The following PDE8B variants were observed in gnomAD, a reference collection of about 807,000 sequenced individuals.
The protein encoded by PDE8B is high affinity cAMP-specific and IBMX-insensitive 3',5'-cyclic phosphodiesterase 8B.
Under a neutral mutation model 101.3 loss-of-function variants are expected in PDE8B, and 26 were observed. The ratio of observed to expected loss-of-function variants is 0.26; its 90% CI spans 0.19 to 0.36. The LOEUF (loss-of-function observed/expected upper bound fraction) is 0.36, where lower values mean the gene tolerates loss of function less well. Among genes scored for constraint, PDE8B ranks in the 10% least tolerant of loss-of-function variants. The pLI, the probability that PDE8B is intolerant of heterozygous loss-of-function variation, is 1.00. For missense variants in PDE8B, 810 were observed against 1,163.1 expected (o/e 0.70, Z 4.42); for synonymous variants, 424 against 429.3 (o/e 0.99, Z 0.15).
intron 10 of PDE8B, among the ~76,000 whole-genome samples, chr5:77,398,985 C>T (rs6884413): frequency 0.08 from 12,148 of 152,230 alleles, 524 homozygotes; most frequent in Middle Eastern, 0.12. Context: ...TCCCGTTCCT[C>T]GGAATGAAAC....
chr5:77,415,786 G>A (rs888348890), intron 17 of PDE8B, among the ~76,000 whole-genome samples: 3 of 152,144 alleles, frequency 2.0e-5, no homozygotes, highest in Non-Finnish European at 2.9e-5. Flanking sequence ...CCCAATTCCA[G>A]GGAACTAGTG....
chr5:77,184,008 T>C, the PDE8B span, among the ~76,000 whole-genome samples: 39,211 of 151,712 alleles, frequency 0.26, 7,013 homozygotes, highest in East Asian at 0.82. Flanking sequence ...CCCTCTGTTG[T>C]CCAGGCTGGA....
At chr5:77,392,972 C>A (rs1043214987) in intron 10 of PDE8B, among the ~76,000 whole-genome samples, 2 of 152,152 alleles carry the variant, frequency 1.3e-5, no homozygotes, top group Non-Finnish European at 2.9e-5. Flanking sequence ...TATGCCAGAA[C>A]AACAACAACA....
At chr5:77,412,287 ACT>A (rs751013318) in intron 16 of PDE8B, 52 bp downstream of exon 16, 13 of 1,597,980 alleles carry the variant, frequency 8.1e-6, no homozygotes, top group Non-Finnish European at 1.1e-5. Flanking sequence ...CCATGCTCAA[ACT>A]CTCACATTTG....
At chr5:77,286,324 G>C (rs935304562) in intron 1 of PDE8B, among the ~76,000 whole-genome samples, 1 of 152,198 alleles carries the variant, frequency 6.6e-6, no homozygotes, top group Non-Finnish European at 1.5e-5. Flanking sequence ...TGTGAGCAGA[G>C]TTTGTACACA....
chr5:77,363,635 C>A (rs1013223641), intron 10 of PDE8B, among the ~76,000 whole-genome samples: 1 of 151,386 alleles, frequency 6.6e-6, no homozygotes, highest in Non-Finnish European at 1.5e-5. Context: ...TCACTTGAAT[C>A]CAGGAGGCGG....
chr5:77,171,481 G>GA, the PDE8B span, among the ~76,000 whole-genome samples: 2 of 152,184 alleles, frequency 1.3e-5, no homozygotes, highest in East Asian at 1.9e-4. Context: ...CCGGCCCATA[G>GA]AAAAATTTTT....
At chr5:77,194,058 T>C in the PDE8B span, among the ~76,000 whole-genome samples, 1 of 152,224 alleles carries the variant, frequency 6.6e-6, no homozygotes, top group Non-Finnish European at 1.5e-5. Flanking sequence ...TTTCTATGTG[T>C]ACAATTATGT....
chr5:77,123,491 C>T, the PDE8B span, among the ~76,000 whole-genome samples: 1 of 152,086 alleles, frequency 6.6e-6, no homozygotes, highest in African/African-American at 2.4e-5. Flanking sequence ...GGTGCAGTGG[C>T]TCACACCTGT....
intron 1 of PDE8B, among the ~76,000 whole-genome samples, chr5:77,235,161 C>T (rs528380977): frequency 9.9e-5 from 15 of 152,132 alleles, no homozygotes; most frequent in Non-Finnish European, 1.9e-4. Context: ...CAGAATAATC[C>T]CATAGCCCTA....
chr5:77,317,341 C>A (rs1409909779), intron 2 of PDE8B, among the ~76,000 whole-genome samples: 1 of 152,126 alleles, frequency 6.6e-6, no homozygotes, highest in Non-Finnish European at 1.5e-5. Flanking sequence ...TCAGCCAGAG[C>A]CCTTAGGGCT....
the PDE8B span, among the ~76,000 whole-genome samples, chr5:77,110,238 C>T: frequency 6.6e-6 from 1 of 151,812 alleles, no homozygotes; most frequent in South Asian, 2.1e-4. Context: ...CGTGTCCGGC[C>T]TCACAATATC....
intron 1 of PDE8B, among the ~76,000 whole-genome samples, chr5:77,222,795 T>G (rs1330910713): frequency 1.6e-4 from 25 of 152,064 alleles, no homozygotes; most frequent in Non-Finnish European, 1.5e-5. Context: ...CTGAAGACTG[T>G]AAGGAAAAGC....
chr5:77,239,499 T>A (rs1269275675), intron 1 of PDE8B, among the ~76,000 whole-genome samples: 1 of 152,242 alleles, frequency 6.6e-6, no homozygotes. Flanking sequence ...AATCTCTTGG[T>A]ATTTTCAAGT....
intron 1 of PDE8B, among the ~76,000 whole-genome samples, chr5:77,279,245 T>G (rs1260735411): frequency 1.3e-5 from 2 of 152,224 alleles, no homozygotes; most frequent in Non-Finnish European, 2.9e-5. Context: ...GTAAACAGGA[T>G]AGTTTTTTTA....
chr5:77,324,715 C>G (rs1045161466), intron 2 of PDE8B, among the ~76,000 whole-genome samples: 1 of 152,166 alleles, frequency 6.6e-6, no homozygotes, highest in East Asian at 1.9e-4. Context: ...AGTTCCCTTA[C>G]TTCCTTATGT....
chr5:77,424,841 T>C (rs565464383), intron 20 of PDE8B, among the ~76,000 whole-genome samples: 1 of 141,860 alleles, frequency 7.0e-6, no homozygotes, highest in Non-Finnish European at 1.6e-5. Flanking sequence ...TTGTTTTTAA[T>C]GTGAGACAAG....
chr5:77,260,665 G>A (rs1325503621), intron 1 of PDE8B, among the ~76,000 whole-genome samples: 3 of 135,464 alleles, frequency 2.2e-5, no homozygotes, highest in Non-Finnish European at 4.5e-5. Flanking sequence ...TCAGCTCATT[G>A]CAACCTCTGC....
At chr5:77,225,892 C>T (rs1752289060) in intron 1 of PDE8B, among the ~76,000 whole-genome samples, 1 of 149,060 alleles carries the variant, frequency 6.7e-6, no homozygotes, top group Non-Finnish European at 1.5e-5. Context: ...CCCACGCACA[C>T]ATCTCAGAAT....
Sources: allele counts gnomAD v4.1 joint callset (sites outside exome capture counted in the v4.1 genomes callset), GRCh38; gene constraint gnomAD v4.1.1; transcripts MANE v1.5; gene names NCBI Gene and HGNC (gene_info 2026-07-23, HGNC 2026-07-21).